Variants in KCNQ3 observed in about 807,000 individuals in gnomAD.
The protein encoded by KCNQ3 is potassium voltage-gated channel subfamily Q member 3, also known as potassium voltage-gated channel subfamily KQT member 3.
KCNQ3 carries 30 observed loss-of-function variants against 92.5 expected under a neutral mutation model. The observed-to-expected ratio is 0.32, with a 90% CI of 0.24 to 0.44. The LOEUF (loss-of-function observed/expected upper bound fraction) is 0.44, where lower values mean the gene tolerates loss of function less well. Among genes scored for constraint, KCNQ3 ranks in the 20% least tolerant of loss-of-function variants. KCNQ3 has a pLI of 1.00. For synonymous variants in KCNQ3, 450 were observed against 468.8 expected (o/e 0.96, Z 0.52); for missense variants, 913 against 1,140.3 (o/e 0.80, Z 2.87).
At chr8:132,314,693 C>G (rs1817689194) in intron 1 of KCNQ3, among the ~76,000 whole-genome samples, 1 of 152,128 alleles carries the variant, frequency 6.6e-6, no homozygotes, top group African/African-American at 2.4e-5. Flanking sequence ...GGTAGCAGCA[C>G]TAATGGGTGA....
At chr8:132,358,589 A>T (rs1199026523) in intron 1 of KCNQ3, among the ~76,000 whole-genome samples, 18 of 152,194 alleles carry the variant, frequency 1.2e-4, no homozygotes, top group Non-Finnish European at 5.9e-5. Context: ...CAGAAAAAAA[A>T]TAATATCCCA....
At chr8:132,384,168 C>G (rs1288065945) in intron 1 of KCNQ3, among the ~76,000 whole-genome samples, 3 of 152,166 alleles carry the variant, frequency 2.0e-5, no homozygotes, top group Non-Finnish European at 4.4e-5. Context: ...TCTGTTTCCC[C>G]AGCCATGCTC....
chr8:132,168,807 G>C (rs1393322144), intron 8 of KCNQ3, among the ~76,000 whole-genome samples: 1 of 148,358 alleles, frequency 6.7e-6, no homozygotes, highest in African/African-American at 2.5e-5. Flanking sequence ...GCTGGGCACA[G>C]AGAGAGCCCC....
Position 132,227,262 on chromosome 8 carries a change from A to G in KCNQ3, c.387-41081T>C, listed in dbSNP as rs538429702. 5.9e-5 allele frequency among the ~76,000 whole-genome samples: 9 copies of G among 152,066 alleles called. No individual in the cohort carries two copies. The East Asian group carries it at 1.5e-3, about 26-fold the overall frequency. ...CTTTTAGTAGAGACGGGGTTTCACCATGTTGGCCAGGATGGTCTCGATCTC... is the reference window on the plus strand; with the variant it reads ...CTTTTAGTAGAGACGGGGTTTCACCGTGTTGGCCAGGATGGTCTCGATCTC... On this transcript the variant is annotated intron_variant, in intron 1 of 14. Coordinates refer to ENST00000388996, the MANE Select transcript of KCNQ3 (RefSeq NM_004519.4).
At chr8:132,140,425 G>T in intron 10 of KCNQ3, 1 of 476,668 alleles carries the variant, frequency 2.1e-6, no homozygotes, top group South Asian at 2.7e-5. Context: ...TGAGGGAAAA[G>T]GCTAGCAGGG....
intron 1 of KCNQ3, among the ~76,000 whole-genome samples, chr8:132,300,500 G>C (rs1051432478): frequency 6.6e-6 from 1 of 152,180 alleles, no homozygotes; most frequent in Non-Finnish European, 1.5e-5. Flanking sequence ...AACCTGCTGA[G>C]AGGTACCCCA....
intron 1 of KCNQ3, among the ~76,000 whole-genome samples, chr8:132,340,914 A>C (rs993690854): frequency 6.6e-6 from 1 of 152,208 alleles, no homozygotes; most frequent in Non-Finnish European, 1.5e-5. Flanking sequence ...TCCCTCAAGG[A>C]GTTCTCTGAT....
intron 1 of KCNQ3, among the ~76,000 whole-genome samples, chr8:132,260,557 A>G (rs932571243): frequency 1.3e-5 from 2 of 152,178 alleles, no homozygotes; most frequent in African/African-American, 4.8e-5. Flanking sequence ...AGAGAGGAAG[A>G]GAGTGTCTGG....
chr8:132,192,633 T>C (rs946335324), intron 1 of KCNQ3, among the ~76,000 whole-genome samples: 4 of 152,056 alleles, frequency 2.6e-5, no homozygotes, highest in African/African-American at 9.7e-5. Flanking sequence ...GTCTGGTGTT[T>C]CTTGTGTTTG....
intron 1 of KCNQ3, among the ~76,000 whole-genome samples, chr8:132,261,248 G>A (rs1350952173): frequency 6.6e-6 from 1 of 152,192 alleles, no homozygotes; most frequent in East Asian, 1.9e-4. Flanking sequence ...CCTCTATGAA[G>A]ACTGAGTTGC....
intron 2 of KCNQ3, 138 bp from the exon 3 acceptor site, chr8:132,184,505 T>TGGGTTG: frequency 1.8e-6 from 1 of 546,700 alleles, no homozygotes; most frequent in Non-Finnish European, 3.4e-6. Flanking sequence ...TGGCTGGGGA[T>TGGGTTG]GGGGGTGGGG....
intron 8 of KCNQ3, among the ~76,000 whole-genome samples, chr8:132,165,284 C>A: frequency 6.6e-6 from 1 of 152,194 alleles, no homozygotes; most frequent in East Asian, 1.9e-4. Flanking sequence ...TCTTCACTAC[C>A]CTTATGATAG....
chr8:132,163,548 A>G (rs750864745), intron 8 of KCNQ3, 54 bp from the exon 9 acceptor site: 9 of 1,412,126 alleles, frequency 6.4e-6, no homozygotes, highest in Non-Finnish European at 9.0e-6. Flanking sequence ...AAACAGCTGT[A>G]TCCTTCCTCG....
intron 1 of KCNQ3, among the ~76,000 whole-genome samples, chr8:132,222,528 A>C (rs1306535921): frequency 6.6e-6 from 1 of 152,208 alleles, no homozygotes; most frequent in African/African-American, 2.4e-5. Flanking sequence ...AGGCAAGGGA[A>C]GGTATTCTAA....
intron 1 of KCNQ3, among the ~76,000 whole-genome samples, chr8:132,350,849 T>C (rs1026952749): frequency 3.9e-5 from 6 of 152,208 alleles, no homozygotes; most frequent in Non-Finnish European, 7.3e-5. Flanking sequence ...CTAAGTCCTA[T>C]TTTTCTTTAT....
intron 1 of KCNQ3, among the ~76,000 whole-genome samples, chr8:132,263,912 C>A (rs964662159): frequency 6.6e-6 from 1 of 152,194 alleles, no homozygotes; most frequent in Non-Finnish European, 1.5e-5. Context: ...TCTTGTCTCA[C>A]CCTGTGACCC....
intron 9 of KCNQ3, among the ~76,000 whole-genome samples, chr8:132,161,149 T>C (rs972530060): frequency 3.3e-5 from 5 of 152,186 alleles, no homozygotes; most frequent in African/African-American, 1.2e-4. Flanking sequence ...TATAACTAAA[T>C]ATGGACTTGA....
At chr8:132,211,652 T>A (rs144427724) in intron 1 of KCNQ3, among the ~76,000 whole-genome samples, 127 of 152,316 alleles carry the variant, frequency 8.3e-4, no homozygotes, top group Middle Eastern at 6.8e-3. Context: ...CTATTTTTTT[T>A]ATTTAAAAAA....
intron 1 of KCNQ3, among the ~76,000 whole-genome samples, chr8:132,392,756 C>T (rs997174708): frequency 7.4e-5 from 10 of 134,706 alleles, no homozygotes; most frequent in East Asian, 2.2e-4. Context: ...TGTGCCACTG[C>T]ACTCCAGCCT....
Sources: allele counts gnomAD v4.1 joint callset (sites outside exome capture counted in the v4.1 genomes callset), GRCh38; gene constraint gnomAD v4.1.1; transcripts MANE v1.5; gene names NCBI Gene and HGNC (gene_info 2026-07-23, HGNC 2026-07-21).